The following FGGY variants were observed in gnomAD, a reference collection of about 807,000 sequenced individuals.
The protein encoded by FGGY is FGGY carbohydrate kinase domain-containing protein.
FGGY carries 72 observed loss-of-function variants against 71.3 expected under a neutral mutation model. The observed-to-expected ratio is 1.01, with a 90% CI of 0.84 to 1.23. The LOEUF (loss-of-function observed/expected upper bound fraction) is 1.23. Among genes scored for constraint, FGGY ranks in the 50% most tolerant of loss-of-function variants. The probability of loss-of-function intolerance (pLI) is 0.00; values close to 1 mark genes in which losing one functional copy is unlikely to be tolerated. For missense variants in FGGY, 668 were observed against 682.3 expected (o/e 0.98, Z 0.23); for synonymous variants, 251 against 250.3 (o/e 1.00, Z -0.02).
intron 5 of FGGY, among the ~76,000 whole-genome samples, chr1:59,414,986 G>A (rs540195820): frequency 1.3e-5 from 2 of 152,326 alleles, no homozygotes; most frequent in South Asian, 4.1e-4. Context: ...TTCTTTCTGT[G>A]TGGTTGGTTC....
intron 6 of FGGY, among the ~76,000 whole-genome samples, chr1:59,500,055 T>TA (rs2094176925): frequency 6.6e-6 from 1 of 152,208 alleles, no homozygotes; most frequent in Admixed American, 6.5e-5. Flanking sequence ...GACACATTGT[T>TA]ACCTGTTTTC....
chr1:59,673,920 C>T (rs541718164), intron 13 of FGGY, 119 bp from the exon 14 acceptor site: 153 of 729,188 alleles, frequency 2.1e-4, no homozygotes, highest in African/African-American at 8.0e-4. Context: ...TGCAGGGAGT[C>T]GGGCGGGGGG....
At chr1:59,476,267 A>G (rs944468458) in intron 6 of FGGY, among the ~76,000 whole-genome samples, 1 of 152,234 alleles carries the variant, frequency 6.6e-6, no homozygotes, top group African/African-American at 2.4e-5. Flanking sequence ...ACTCATGACT[A>G]TCCAAAATTA....
chr1:59,348,182 A>G (rs374774562), intron 4 of FGGY, among the ~76,000 whole-genome samples: 4 of 152,322 alleles, frequency 2.6e-5, no homozygotes, highest in African/African-American at 7.2e-5. Flanking sequence ...CCAGTATTCT[A>G]TTGGAGTTCA....
At chr1:59,496,617 A>G (rs1010595047) in intron 6 of FGGY, among the ~76,000 whole-genome samples, 7 of 152,170 alleles carry the variant, frequency 4.6e-5, no homozygotes, top group African/African-American at 1.7e-4. Flanking sequence ...CTGCACACCA[A>G]ACTAATGTGA....
intron 3 of FGGY, among the ~76,000 whole-genome samples, chr1:59,341,084 C>A (rs987257704): frequency 6.6e-6 from 1 of 152,124 alleles, no homozygotes; most frequent in Non-Finnish European, 1.5e-5. Context: ...TAGTAGGGTA[C>A]ATTGATACAC....
At chr1:59,602,354 C>T (rs2096586340) in intron 8 of FGGY, among the ~76,000 whole-genome samples, 1 of 152,062 alleles carries the variant, frequency 6.6e-6, no homozygotes, top group Admixed American at 6.5e-5. Flanking sequence ...TGTGAAGAAC[C>T]TAGAAGAGTC....
At chr1:59,530,355 C>T (rs1397112480) in intron 7 of FGGY, among the ~76,000 whole-genome samples, 1 of 152,112 alleles carries the variant, frequency 6.6e-6, no homozygotes, top group Non-Finnish European at 1.5e-5. Flanking sequence ...TAGCTTCAAC[C>T]AACAGGTAAC....
intron 7 of FGGY, among the ~76,000 whole-genome samples, chr1:59,528,143 ATCAAAAACTG>A (rs1474095465): frequency 6.6e-6 from 1 of 152,244 alleles, no homozygotes; most frequent in Non-Finnish European, 1.5e-5. Context: ...GTTGTTTACC[ATCAAAAACTG>A]TCTGTACATA....
At chr1:59,496,812 C>A (rs1299048543) in intron 6 of FGGY, among the ~76,000 whole-genome samples, 1 of 152,152 alleles carries the variant, frequency 6.6e-6, no homozygotes, top group Non-Finnish European at 1.5e-5. Flanking sequence ...ATTCTCAGTG[C>A]ACACCAGCAT....
At chr1:59,298,588 C>G (rs565552273) in intron 1 of FGGY, among the ~76,000 whole-genome samples, 1 of 152,302 alleles carries the variant, frequency 6.6e-6, no homozygotes, top group East Asian at 1.9e-4. Context: ...CCTAACCTTT[C>G]ACTTATTAGT....
rs114233620 is a variant in FGGY at position 59,427,564 on chromosome 1, C to T, written c.555-29397C>T. On this transcript the variant is annotated intron_variant, in intron 5 of 15. Coordinates refer to ENST00000303721, the MANE Select transcript of FGGY (RefSeq NM_018291.5). ...CATGCTCCTGAGAACCAGAGTTCTC[C>T]AGGAACATCTGTAGTCTCTGTCTTC... Among the ~76,000 whole-genome samples, 435 of 152,244 alleles carry T rather than the reference C, an allele frequency of 2.9e-3. 1 individual carries two copies. Among genetic ancestry groups the T allele is most frequent in the Middle Eastern group, 0.014 (4 of 294 alleles).
chr1:59,299,866 G>A (rs1182936981), intron 1 of FGGY, among the ~76,000 whole-genome samples: 2 of 152,290 alleles, frequency 1.3e-5, no homozygotes, highest in East Asian at 3.9e-4. Flanking sequence ...GCAGGAAATC[G>A]GAATGAGTCA....
intron 5 of FGGY, among the ~76,000 whole-genome samples, chr1:59,440,209 A>G (rs1055227667): frequency 6.6e-6 from 1 of 152,134 alleles, no homozygotes; most frequent in Non-Finnish European, 1.5e-5. Flanking sequence ...CTCAATTAGA[A>G]AAACACATGG....
chr1:59,535,722 C>T (rs941497071), intron 7 of FGGY, among the ~76,000 whole-genome samples: 16 of 148,246 alleles, frequency 1.1e-4, no homozygotes, highest in Non-Finnish European at 1.9e-4. Flanking sequence ...CAACCTGCTC[C>T]TGAATGACTA....
intron 8 of FGGY, among the ~76,000 whole-genome samples, chr1:59,562,758 A>C (rs185623430): frequency 6.6e-6 from 1 of 152,360 alleles, no homozygotes; most frequent in Admixed American, 6.5e-5. Context: ...GGGCACAACA[A>C]GGGCCAGGAA....
At chr1:59,469,334 A>T (rs991234631) in intron 6 of FGGY, among the ~76,000 whole-genome samples, 1 of 152,182 alleles carries the variant, frequency 6.6e-6, no homozygotes, top group Non-Finnish European at 1.5e-5. Flanking sequence ...ACTTCTGGGC[A>T]TCTGATAAGG....
At chr1:59,715,898 A>G (rs2097842780) in intron 14 of FGGY, among the ~76,000 whole-genome samples, 2 of 152,236 alleles carry the variant, frequency 1.3e-5, no homozygotes, top group African/African-American at 4.8e-5. Flanking sequence ...TTGAGACACA[A>G]TCACATCCAT....
At chr1:59,395,954 A>G (rs1235304039) in intron 5 of FGGY, among the ~76,000 whole-genome samples, 2 of 152,210 alleles carry the variant, frequency 1.3e-5, no homozygotes, top group South Asian at 2.1e-4. Flanking sequence ...TCTCTAATGT[A>G]AAGAGTTCAT....
Sources: gnomAD v4.1 joint callset for allele counts (sites outside exome capture counted in the v4.1 genomes callset) on GRCh38, gnomAD v4.1.1 for gene constraint, MANE v1.5 for transcripts, NCBI Gene and HGNC (gene_info 2026-07-23, HGNC 2026-07-21) for gene names.